GSDME: variants seen among roughly 807,000 people sequenced by gnomAD.
GSDME encodes the protein gasdermin-E.
Under a neutral mutation model 47.5 loss-of-function variants are expected in GSDME, and 44 were observed. The observed-to-expected ratio is 0.93, with a 90% CI of 0.73 to 1.19. GSDME has a LOEUF of 1.19. Among genes scored for constraint, GSDME ranks in the 50% most tolerant of loss-of-function variants. The probability of loss-of-function intolerance (pLI) is 0.00; values close to 1 mark genes in which losing one functional copy is unlikely to be tolerated. For missense variants in GSDME, 663 were observed against 604.2 expected (o/e 1.10, Z -1.02); for synonymous variants, 258 against 252.8 (o/e 1.02, Z -0.20).
chr7:24,747,497 T>C (rs1010146346), intron 2 of GSDME, among the ~76,000 whole-genome samples: 5 of 152,204 alleles, frequency 3.3e-5, no homozygotes, highest in African/African-American at 1.2e-4. Context: ...GAAGATATTT[T>C]CATATATCAC....
At position 24,721,057 on chromosome 7, in the gene GSDME, G is replaced by A. The variant is rs1789763015; in HGVS notation, c.405-1839C>T. 6.6e-6 allele frequency among the ~76,000 whole-genome samples: 1 copy of A among 152,220 alleles called. No individual in the cohort carries two copies. Among genetic ancestry groups the A allele is most frequent in the African/African-American group, 2.4e-5 (1 of 41,452 alleles). On this transcript the variant is annotated intron_variant, in intron 3 of 9. Coordinates refer to ENST00000645220, the MANE Select transcript of GSDME (RefSeq NM_001127453.2). The surrounding 1 kb of genome is among the most constrained non-coding windows in gnomAD (Gnocchi z 4.1). ...TATCTGGAACAGGCAAATTCATAAT[G>A]ACAGAAAGCAGATTGGAGGTTACCG...
the GSDME span, among the ~76,000 whole-genome samples, chr7:24,794,961 T>C: frequency 6.6e-6 from 1 of 151,912 alleles, no homozygotes; most frequent in Non-Finnish European, 1.5e-5. Flanking sequence ...AATACCGAAA[T>C]CTAAACCAAA....
At position 24,744,938 on chromosome 7, in the gene GSDME, G is replaced by GTA. The variant is rs541256514; in HGVS notation, c.212-185_212-184insTA. On this transcript the variant is annotated intron_variant, in intron 2 of 9. Coordinates refer to ENST00000645220, the MANE Select transcript of GSDME (RefSeq NM_001127453.2). The surrounding 1 kb of genome is among the most constrained non-coding windows in gnomAD (Gnocchi z 4.5). ...CAGGGCAGCACGTGTGTGTGTGTGT[G>GTA]TGTGTGTGTGTGTGGACCGCGGGCA... Among the ~76,000 whole-genome samples the GTA allele has an allele frequency of 4.9e-4, 70 of 141,552 alleles. No individual in the cohort carries two copies. In the East Asian group the frequency reaches 0.012, roughly 24 times the overall value. The allele number at this position is 141,552 out of a possible 152,430, so 92.9% of individuals were successfully genotyped here. A position where few individuals can be genotyped will look rare whatever the true frequency, so the allele number is the denominator to read the frequency against.
chr7:24,759,937 A>G (rs368194963), upstream of GSDME, among the ~76,000 whole-genome samples: 104 of 152,354 alleles, frequency 6.8e-4, 1 homozygote, highest in South Asian at 0.02. Context: ...TCAGATGAAC[A>G]TATACAACAT....
chr7:24,717,339 G>A lies in GSDME; in HGVS notation c.612C>T (p.Asp204=), dbSNP rs551846110. ...SATEDGNVTK[D]SNVVLEIPAA... ...CTGGGATCTCCAGCACCACGTTGGA[G>A]TCCTTGGTGACATTCCCATCCTCCG... Residue 204 remains aspartate (D), a synonymous_variant, in exon 5 of 10, where the codon GAC becomes GAT. Transcript: ENST00000645220. 5.2e-4 allele frequency: 842 copies of A among 1,614,144 alleles called. 11 individuals are homozygous for A. In the South Asian group the frequency reaches 8.7e-3, roughly 17 times the overall value.
chr7:24,763,993 C>G, the GSDME span, among the ~76,000 whole-genome samples: 1 of 152,180 alleles, frequency 6.6e-6, no homozygotes, highest in African/African-American at 2.4e-5. The surrounding 1 kb of genome is among the most constrained non-coding windows in gnomAD (Gnocchi z 4.3). Context: ...TAATCTTACA[C>G]CTGATTCCAA....
chr7:24,776,976 T>G, the GSDME span, among the ~76,000 whole-genome samples: 3 of 152,124 alleles, frequency 2.0e-5, no homozygotes, highest in Admixed American at 6.5e-5. Context: ...TAGCTTATAA[T>G]TATTAAAAAT....
chr7:24,720,919 AAAAG>A (rs1193542931), intron 3 of GSDME, among the ~76,000 whole-genome samples: 1 of 152,228 alleles, frequency 6.6e-6, no homozygotes, highest in African/African-American at 2.4e-5. Context: ...AAAAAAAAAA[AAAAG>A]AAGTGAAGTT....
chr7:24,768,342 AG>A, the GSDME span, among the ~76,000 whole-genome samples: 1 of 152,200 alleles, frequency 6.6e-6, no homozygotes, highest in East Asian at 1.9e-4. This position sits in a 1 kb window ranked among gnomAD's most constrained non-coding sequence, Gnocchi z 5.6. Flanking sequence ...AATAGCATTA[AG>A]GGGAGCCAGG....
chr7:24,721,334 G>A lies in GSDME; in HGVS notation c.405-2116C>T, dbSNP rs892316040. Among the ~76,000 whole-genome samples, 3 of 152,198 alleles carry A rather than the reference G, an allele frequency of 2.0e-5. No homozygotes were observed. In the East Asian group the frequency reaches 5.8e-4, roughly 29 times the overall value. ...TTAAGGAAATTCAAATTATAAAAAT[G>A]TCTCACACGTGATAAAAATACATTG... On this transcript the variant is annotated intron_variant, in intron 3 of 9. Coordinates refer to ENST00000645220, the MANE Select transcript of GSDME (RefSeq NM_001127453.2). The surrounding 1 kb of genome is among the most constrained non-coding windows in gnomAD (Gnocchi z 4.1).
rs540319852 is a variant in GSDME at position 24,726,545 on chromosome 7, C to T, written c.405-7327G>A. Among the ~76,000 whole-genome samples, 5 of 152,260 alleles carry T rather than the reference C, an allele frequency of 3.3e-5. No individual in the cohort carries two copies. The highest frequency in any genetic ancestry group is 2.1e-4 in the South Asian group (1 of 4,824). On this transcript the variant is annotated intron_variant, in intron 3 of 9. Coordinates refer to ENST00000645220, the MANE Select transcript of GSDME (RefSeq NM_001127453.2). This position sits in a 1 kb window ranked among gnomAD's most constrained non-coding sequence, Gnocchi z 5.6. ...ACCCTTGATAGTAACAATGGTAGGCCGGGCGCGGTGGCTCACGCCTGTTAT... is the reference window on the plus strand; with the variant it reads ...ACCCTTGATAGTAACAATGGTAGGCTGGGCGCGGTGGCTCACGCCTGTTAT...
intron 3 of GSDME, among the ~76,000 whole-genome samples, chr7:24,743,449 C>T (rs1230610398): frequency 6.6e-6 from 1 of 152,206 alleles, no homozygotes; most frequent in East Asian, 1.9e-4. Context: ...CGCTGAATTA[C>T]TGCAATAACT....
At chr7:24,786,656 C>T in the GSDME span, among the ~76,000 whole-genome samples, 3 of 152,124 alleles carry the variant, frequency 2.0e-5, no homozygotes, top group Admixed American at 6.5e-5. This position sits in a 1 kb window ranked among gnomAD's most constrained non-coding sequence, Gnocchi z 5.5. Flanking sequence ...AACTGAAGTT[C>T]GAACTTTGTT....
intron 5 of GSDME, among the ~76,000 whole-genome samples, chr7:24,715,014 A>G (rs548516253): frequency 6.6e-6 from 1 of 152,380 alleles, no homozygotes; most frequent in South Asian, 2.1e-4. Context: ...TACACAATGG[A>G]ATACTTTTTG....
the GSDME span, among the ~76,000 whole-genome samples, chr7:24,792,041 G>T: frequency 6.6e-6 from 1 of 152,206 alleles, no homozygotes; most frequent in African/African-American, 2.4e-5. Context: ...TCCATGCCTG[G>T]TCGACTGGAG....
Position 24,756,260 on chromosome 7 carries a change from G to A in GSDME, c.-20+1136C>T, listed in dbSNP as rs1324019110. Among the ~76,000 whole-genome samples the A allele has an allele frequency of 6.6e-6, 1 of 152,156 alleles. No homozygotes were observed. The highest frequency in any genetic ancestry group is 2.4e-5 in the African/African-American group (1 of 41,428). On this transcript the variant is annotated intron_variant, in intron 1 of 9. Coordinates refer to ENST00000645220, the MANE Select transcript of GSDME (RefSeq NM_001127453.2). This position sits in a 1 kb window ranked among gnomAD's most constrained non-coding sequence, Gnocchi z 4.2. The stretch of plus-strand genomic sequence containing the variant: ...GCAGGCACCTGCGGTCTCAGCTACG[G>A]GTGTATGGGAGGATCCCTTGAGCCC...
At chr7:24,780,715 A>C in the GSDME span, among the ~76,000 whole-genome samples, 5 of 152,262 alleles carry the variant, frequency 3.3e-5, no homozygotes, top group Admixed American at 3.3e-4. The surrounding 1 kb of genome is among the most constrained non-coding windows in gnomAD (Gnocchi z 4.1). Context: ...TCAATGCAGT[A>C]TAATTCTCCC....
chr7:24,719,044 C>T lies in GSDME; in HGVS notation c.576+3G>A. ...GAACGCAGGGCAGCCCGACTGCACG[C>T]ACCTGCACCGTCTTGGTCTGGATGC... On this transcript the variant is annotated splice_donor_region_variant and intron_variant, in intron 4 of 9. Transcript: ENST00000645220. The T allele has an allele frequency of 6.2e-7, 1 of 1,612,194 alleles. No individual in the cohort carries two copies. Among genetic ancestry groups the T allele is most frequent in the Non-Finnish European group, 8.5e-7 (1 of 1,179,958 alleles).
At chr7:24,701,886 A>G (rs1788883114) in intron 9 of GSDME, among the ~76,000 whole-genome samples, 1 of 152,248 alleles carries the variant, frequency 6.6e-6, no homozygotes, top group Non-Finnish European at 1.5e-5. Context: ...GCACAAAGGC[A>G]CCAACCACAT....
Sources: gnomAD v4.1 joint callset for allele counts (sites outside exome capture counted in the v4.1 genomes callset) on GRCh38, gnomAD v4.1.1 for gene constraint, Gnocchi (gnomAD v3.1) non-coding constraint, MANE v1.5 for transcripts, NCBI Gene and HGNC (gene_info 2026-07-23, HGNC 2026-07-21) for gene names.